Variants in IL3RA observed in about 807,000 individuals in gnomAD.
The protein encoded by IL3RA is interleukin 3 receptor subunit alpha.
A neutral mutation model predicts 52.3 loss-of-function variants in IL3RA; 73 were observed. That is an observed-to-expected ratio of 1.40 (90% confidence interval 1.16 to 1.70). IL3RA has a LOEUF of 1.70. Ranked by LOEUF, IL3RA falls within the 40% of genes most tolerant of loss-of-function variation. IL3RA has a pLI of 0.00. For missense variants in IL3RA, 664 were observed against 504.4 expected (o/e 1.32, Z -3.03); for synonymous variants, 260 against 194.0 (o/e 1.34, Z -2.83).
At chrX:1,356,649 G>C (rs1177934494) in intron 7 of IL3RA, among the ~76,000 whole-genome samples, 1 of 151,918 alleles carries the variant, frequency 6.6e-6, no homozygotes, top group Non-Finnish European at 1.5e-5. Context: ...GCACGGTCTT[G>C]TAGTTCCAGC....
rs777231359 is a variant in IL3RA at position 1,341,758 on chromosome X, C to T, written c.-8C>T. 75 of 1,613,764 alleles carry T rather than the reference C, an allele frequency of 4.6e-5. 1 individual carries two copies. The East Asian group carries it at 8.7e-4, about 19-fold the overall frequency. ...ACCTCTGTCCTGCGTTCCGGAGCTGCGTTCCCGATGGTCCTCCTTTGGCTC... is the reference window on the plus strand; with the variant it reads ...ACCTCTGTCCTGCGTTCCGGAGCTGTGTTCCCGATGGTCCTCCTTTGGCTC... On this transcript the variant is annotated 5_prime_UTR_variant, in exon 2 of 12. Transcript: ENST00000331035.
chrX:1,378,111 G>A (rs2088916650), intron 9 of IL3RA, among the ~76,000 whole-genome samples: 2 of 150,588 alleles, frequency 1.3e-5, no homozygotes, highest in East Asian at 2.0e-4. Context: ...GCTTGAACCT[G>A]GGAGGTGGAG....
At chrX:1,364,790 T>TTTTATTATTTTATTTATTTA (rs754301110) in intron 8 of IL3RA, among the ~76,000 whole-genome samples, 8 of 141,708 alleles carry the variant, frequency 5.6e-5, no homozygotes, top group Admixed American at 2.1e-4. Context: ...TCTTTTCTTC[T>TTTTATTATTTTATTTATTTA]TTTATTTATT....
rs1225845982 is a variant in IL3RA at position 1,365,038 on chromosome X, AC to A, written c.760-98del. 4.2e-5 allele frequency: 32 copies of A among 754,894 alleles called. No individual in the cohort carries two copies. The Admixed American group carries it at 6.7e-4, about 16-fold the overall frequency. 46.8% of individuals were successfully genotyped at this position (754,894 alleles called of 1,614,324 possible). The stretch of plus-strand genomic sequence containing the variant: ...TGGCCAGGCTGGTCTCGAACTCCTG[AC>A]CTCAGGTGATCCACCTGCCTTGGCC... On this transcript the variant is annotated intron_variant, in intron 8 of 11. Transcript: ENST00000331035.
chrX:1,352,123 G>C lies in IL3RA; in HGVS notation c.322G>C (p.Glu108Gln). Residue 108 changes from glutamate to glutamine, a missense_variant, in exon 5 of 12, where the codon GAG (glutamate) becomes CAG (glutamine). By Grantham distance (29) the Glu-to-Gln change is conservative. Coordinates refer to ENST00000331035, the MANE Select transcript of IL3RA (RefSeq NM_002183.4). ...ENSGKPWAGA[E>Q]NLTCWIHDVD... The stretch of plus-strand genomic sequence containing the variant: ...AGGTGGGAAGCCTTGGGCAGGTGCG[G>C]AGAATCTGACCTGCTGGATTCATGA... 6.2e-7 allele frequency: 1 copy of C among 1,613,820 alleles called. No individual in the cohort carries two copies. Among genetic ancestry groups the C allele is most frequent in the Non-Finnish European group, 8.5e-7 (1 of 1,179,820 alleles).
chrX:1,361,110 CCTCTCTGTCTCTCTCTCCCTTCCCCT>C (rs2087285997), intron 8 of IL3RA, among the ~76,000 whole-genome samples: 3 of 72,538 alleles, frequency 4.1e-5, no homozygotes, highest in South Asian at 6.0e-4. Flanking sequence ...TCTCCCTTCC[CCTCTCTGTCTCTCTCTCCCTTCCCCT>C]CTCTGTCTCT....
chrX:1,340,028 G>A (rs1396297147), intron 1 of IL3RA, among the ~76,000 whole-genome samples: 2 of 151,840 alleles, frequency 1.3e-5, no homozygotes, highest in South Asian at 2.1e-4. Context: ...CTGGTGTGCC[G>A]CAGAGGATGT....
chrX:1,362,938 G>A (rs1229097818), intron 8 of IL3RA, among the ~76,000 whole-genome samples: 1 of 151,924 alleles, frequency 6.6e-6, no homozygotes, highest in Non-Finnish European at 1.5e-5. Flanking sequence ...ACCACGCCTG[G>A]CTAATTTTTG....
intron 8 of IL3RA, among the ~76,000 whole-genome samples, chrX:1,364,383 C>T (rs1480817658): frequency 3.3e-5 from 5 of 151,648 alleles, no homozygotes; most frequent in Admixed American, 6.6e-5. Context: ...CCCAGCTACT[C>T]GGGAGGCTGA....
intron 3 of IL3RA, among the ~76,000 whole-genome samples, chrX:1,346,085 C>T (rs757954647): frequency 2.6e-5 from 4 of 151,882 alleles, no homozygotes; most frequent in South Asian, 2.1e-4. Flanking sequence ...GAGGCTGAGG[C>T]GGGCGGATCA....
intron 6 of IL3RA, among the ~76,000 whole-genome samples, chrX:1,353,101 T>C (rs2086217326): frequency 6.7e-6 from 1 of 149,456 alleles, no homozygotes; most frequent in Non-Finnish European, 1.5e-5. Flanking sequence ...TATCATGGGT[T>C]CCATCATGGG....
Position 1,337,419 on chromosome X carries a change from C to T in IL3RA, c.-39+493C>T, listed in dbSNP as rs193039995. Among the ~76,000 whole-genome samples the T allele has an allele frequency of 1.2e-4, 18 of 152,264 alleles. No homozygotes were observed. In the East Asian group the frequency reaches 1.9e-3, roughly 16 times the overall value. ...TTTCTCAGTGGTTTTCAAAGGCTGGCGGGACTCAGAATGTTCCAGATGGCT... is the reference window on the plus strand; with the variant it reads ...TTTCTCAGTGGTTTTCAAAGGCTGGTGGGACTCAGAATGTTCCAGATGGCT... On this transcript the variant is annotated intron_variant, in intron 1 of 11. Transcript: ENST00000331035.
chrX:1,381,598 T>C (rs2089180727), intron 11 of IL3RA, among the ~76,000 whole-genome samples: 1 of 151,006 alleles, frequency 6.6e-6, no homozygotes, highest in Non-Finnish European at 1.5e-5. Flanking sequence ...AGTGCAATGG[T>C]GCGATCTTGG....
intron 9 of IL3RA, among the ~76,000 whole-genome samples, chrX:1,365,841 C>A (rs866524144): frequency 3.7e-4 from 5 of 13,540 alleles, no homozygotes; most frequent in Admixed American, 1.8e-3. Context: ...GAGCCGGGTG[C>A]GCGGGGTGAG....
Position 1,347,761 on chromosome X carries a change from G to A in IL3RA, c.184-670G>A, listed in dbSNP as rs1401183742. ...GTATCTTTAGAAAAAAATTGTGGCC[G>A]GGCGCGGTGGCTCACGCCTGTCATC... is the stretch of plus-strand genomic sequence containing the variant. On this transcript the variant is annotated intron_variant, in intron 3 of 11. Coordinates refer to ENST00000331035, the MANE Select transcript of IL3RA (RefSeq NM_002183.4). Among the ~76,000 whole-genome samples, 4 of 152,064 alleles carry A rather than the reference G, an allele frequency of 2.6e-5. No individual in the cohort carries two copies. The South Asian group carries it at 8.3e-4, about 32-fold the overall frequency.
intron 6 of IL3RA, among the ~76,000 whole-genome samples, chrX:1,355,227 T>A (rs1435337984): frequency 4.2e-3 from 3 of 716 alleles, no homozygotes; most frequent in Admixed American, 0.014. Flanking sequence ...GGGAGGAGGG[T>A]GGAGGGGGAG....
intron 11 of IL3RA, among the ~76,000 whole-genome samples, chrX:1,381,555 T>C (rs1282285226): frequency 1.3e-5 from 2 of 151,176 alleles, no homozygotes; most frequent in East Asian, 1.9e-4. Flanking sequence ...TTTTTTTTTT[T>C]AGATGGAGTT....
intron 1 of IL3RA, among the ~76,000 whole-genome samples, chrX:1,339,921 C>G (rs1167232605): frequency 2.6e-5 from 4 of 152,012 alleles, no homozygotes; most frequent in Admixed American, 2.6e-4. Flanking sequence ...GGTCCTGTAC[C>G]CCCTTGTTAC....
chrX:1,349,577 G>T (rs1190897653), intron 4 of IL3RA, among the ~76,000 whole-genome samples: 34 of 152,116 alleles, frequency 2.2e-4, no homozygotes, highest in Non-Finnish European at 4.4e-4. Flanking sequence ...CTCCCAAAGT[G>T]CAGGGATTGT....
Sources: allele counts gnomAD v4.1 joint callset (sites outside exome capture counted in the v4.1 genomes callset), GRCh38; gene constraint gnomAD v4.1.1; transcripts MANE v1.5; gene names NCBI Gene and HGNC (gene_info 2026-07-23, HGNC 2026-07-21).